FMN2: variants seen among roughly 807,000 people sequenced by gnomAD.
FMN2 encodes the protein formin-2.
Under a neutral mutation model 142.3 loss-of-function variants are expected in FMN2, and 51 were observed. That is an observed-to-expected ratio of 0.36 (90% confidence interval 0.29 to 0.45). FMN2 has a LOEUF of 0.45. FMN2 is among the 20% of genes least tolerant of loss of function. FMN2 has a pLI of 1.00. For missense variants in FMN2, 1,936 were observed against 2,122.8 expected, an observed-to-expected ratio of 0.91 and a Z score of 1.73; for synonymous variants, 882 against 869.8, an observed-to-expected ratio of 1.01 and a Z score of -0.25.
At chr1:240,270,690 A>G (rs928104911) in intron 7 of FMN2, among the ~76,000 whole-genome samples, 4 of 152,146 alleles carry the variant, frequency 2.6e-5, no homozygotes, top group African/African-American at 9.6e-5. Context: ...ATTTGTAACA[A>G]CATGGACAAA....
At position 240,372,662 on chromosome 1, in the gene FMN2, T is replaced by G. The variant is rs547371271; in HGVS notation, c.4858+16754T>G. 2.3e-3 allele frequency among the ~76,000 whole-genome samples: 350 copies of G among 150,526 alleles called. 4 individuals are homozygous for G. The highest frequency in any genetic ancestry group is 8.2e-3 in the African/African-American group (335 of 40,974). On this transcript the variant is annotated intron_variant, in intron 14 of 17. Transcript: ENST00000319653. ...TTCTTTTTTTTTTTTTTTTTAAGGC[T>G]GTTTTGAAAGCTTGTATACAGGCAT...
At chr1:240,361,141 G>GTATATATATATATATATA (rs202070560) in intron 14 of FMN2, among the ~76,000 whole-genome samples, 7 of 43,226 alleles carry the variant, frequency 1.6e-4, no homozygotes, top group African/African-American at 4.6e-4. Context: ...AAATATATGT[G>GTATATATATATATATATA]TATATATATA....
At chr1:240,204,736 AGCGAAACTCCGTC>A (rs1666260018) in intron 4 of FMN2, among the ~76,000 whole-genome samples, 1 of 152,112 alleles carries the variant, frequency 6.6e-6, no homozygotes, top group Admixed American at 6.5e-5. Flanking sequence ...GGGCGACAAG[AGCGAAACTCCGTC>A]GCAAAAAAAA....
chr1:240,401,402 C>T (rs1673985160), intron 15 of FMN2, among the ~76,000 whole-genome samples: 1 of 152,178 alleles, frequency 6.6e-6, no homozygotes. Flanking sequence ...CATTTTCCAG[C>T]CTTCCATTTA....
intron 2 of FMN2, among the ~76,000 whole-genome samples, chr1:240,162,999 A>G (rs1319197294): frequency 6.6e-6 from 1 of 152,158 alleles, no homozygotes. Context: ...GTCTTTTTCA[A>G]TAATGTGTGA....
intron 7 of FMN2, among the ~76,000 whole-genome samples, chr1:240,262,821 C>T (rs1008496696): frequency 5.0e-5 from 7 of 139,030 alleles, no homozygotes; most frequent in East Asian, 2.2e-4. Flanking sequence ...AGTTCAGTGG[C>T]GCAATCTCAG....
In FMN2 at chr1:240,438,045, G is replaced by A. The variant is rs1558106856; in HGVS notation, c.4911-16G>A. 2 of 1,610,530 alleles carry A rather than the reference G, an allele frequency of 1.2e-6. No individual in the cohort carries two copies. The highest frequency in any genetic ancestry group is 3.4e-5 in the Admixed American group (2 of 59,204). On this transcript the variant is annotated splice_polypyrimidine_tract_variant and intron_variant, in intron 15 of 17. Coordinates refer to ENST00000319653, the MANE Select transcript of FMN2 (RefSeq NM_020066.5). Reference sequence around the variant, plus strand: ...AATCATGGCTTTTATGCTTTTGTGTGTGTATGATTTGACAGCTTTTTGGAG... The same window carrying A: ...AATCATGGCTTTTATGCTTTTGTGTATGTATGATTTGACAGCTTTTTGGAG...
At position 240,206,918 on chromosome 1, in the gene FMN2, A is replaced by C. The variant is rs766273136; in HGVS notation, c.2106A>C (p.Thr702=). ...ELERQYPALD[T]EVASGHQGLE... ...AGAGGCAGTATCCTGCCCTGGACACAGAGGTGGCCAGTGGTCATCAAGGGC... is the reference window on the plus strand; with the variant it reads ...AGAGGCAGTATCCTGCCCTGGACACCGAGGTGGCCAGTGGTCATCAAGGGC... Residue 702 remains threonine (T), a synonymous_variant, in exon 5 of 18, where the codon ACA becomes ACC. Transcript: ENST00000319653. 5 of 1,614,212 alleles carry C rather than the reference A, an allele frequency of 3.1e-6. No individual in the cohort carries two copies. In the South Asian group the frequency reaches 5.5e-5, roughly 18 times the overall value.
chr1:240,368,409 G>A (rs1553369959), intron 14 of FMN2, among the ~76,000 whole-genome samples: 2 of 152,084 alleles, frequency 1.3e-5, no homozygotes, highest in Non-Finnish European at 2.9e-5. Flanking sequence ...TGCCCAAAAA[G>A]TTTAAAATTT....
chr1:240,329,057 T>C lies in FMN2; in HGVS notation c.4216-19T>C, dbSNP rs1558436261. On this transcript the variant is annotated intron_variant, in intron 8 of 17. Coordinates refer to ENST00000319653, the MANE Select transcript of FMN2 (RefSeq NM_020066.5). ...AGTTGGCCAGACTTTGAAAAACTAT[T>C]TGGTTTTTGTTTTTCTAGAGAGCAC... 6.2e-7 allele frequency: 1 copy of C among 1,607,660 alleles called. No individual in the cohort carries two copies. Among genetic ancestry groups the C allele is most frequent in the Non-Finnish European group, 8.5e-7 (1 of 1,175,438 alleles).
At chr1:240,131,273 T>C (rs1217510985) in intron 2 of FMN2, among the ~76,000 whole-genome samples, 4 of 152,168 alleles carry the variant, frequency 2.6e-5, no homozygotes, top group African/African-American at 7.2e-5. Context: ...ACAATCGTGT[T>C]TAGGCTCCAA....
At chr1:240,395,509 A>C (rs1673744820) in intron 15 of FMN2, among the ~76,000 whole-genome samples, 1 of 152,250 alleles carries the variant, frequency 6.6e-6, no homozygotes, top group African/African-American at 2.4e-5. Flanking sequence ...TCTAGATGCC[A>C]TCAATAACAT....
At chr1:240,180,961 T>C (rs1389974791) in intron 3 of FMN2, among the ~76,000 whole-genome samples, 1 of 152,150 alleles carries the variant, frequency 6.6e-6, no homozygotes, top group East Asian at 1.9e-4. Context: ...TGAGGACTTT[T>C]TTTTTTCCTG....
intron 13 of FMN2, among the ~76,000 whole-genome samples, chr1:240,336,593 A>G (rs545621458): frequency 9.7e-5 from 14 of 144,154 alleles, no homozygotes; most frequent in Admixed American, 2.1e-4. Context: ...GGTGGTTGCA[A>G]TTGTTTTCCC....
chr1:240,157,184 C>T (rs1440510221), intron 2 of FMN2, among the ~76,000 whole-genome samples: 4 of 152,198 alleles, frequency 2.6e-5, no homozygotes, highest in African/African-American at 9.6e-5. Context: ...TATATAGCTA[C>T]CTTCTGAAGC....
At chr1:240,410,228 A>G (rs1051739829) in intron 15 of FMN2, among the ~76,000 whole-genome samples, 1 of 152,206 alleles carries the variant, frequency 6.6e-6, no homozygotes, top group Non-Finnish European at 1.5e-5. Context: ...GTAGAAAAAT[A>G]CAAGTGTTTC....
intron 15 of FMN2, among the ~76,000 whole-genome samples, chr1:240,430,049 C>G (rs1022387493): frequency 6.6e-6 from 1 of 151,896 alleles, no homozygotes; most frequent in African/African-American, 2.4e-5. Context: ...CCGTGCCCTG[C>G]TAACGTTTTG....
At chr1:240,322,789 G>A (rs977268412) in intron 8 of FMN2, among the ~76,000 whole-genome samples, 36 of 152,128 alleles carry the variant, frequency 2.4e-4, no homozygotes, top group African/African-American at 3.4e-4. Flanking sequence ...TGGCACACAC[G>A]TTCCTGGAAA....
At chr1:240,324,946 A>T (rs2103006229) in intron 8 of FMN2, among the ~76,000 whole-genome samples, 1 of 152,168 alleles carries the variant, frequency 6.6e-6, no homozygotes, top group South Asian at 2.1e-4. Flanking sequence ...AGCTTTAGGG[A>T]TTGGCTTATG....
Sources: gnomAD v4.1 joint callset for allele counts (sites outside exome capture counted in the v4.1 genomes callset) on GRCh38, gnomAD v4.1.1 for gene constraint, MANE v1.5 for transcripts, NCBI Gene and HGNC (gene_info 2026-07-23, HGNC 2026-07-21) for gene names.